SORCS2: variants seen among roughly 807,000 people sequenced by gnomAD.
SORCS2 encodes the protein sortilin related VPS10 domain containing receptor 2.
Under a neutral mutation model 141.6 loss-of-function variants are expected in SORCS2, and 100 were observed. The ratio of observed to expected loss-of-function variants is 0.71; its 90% CI spans 0.60 to 0.83. The LOEUF (loss-of-function observed/expected upper bound fraction) is 0.83, where lower values mean the gene tolerates loss of function less well. Among genes scored for constraint, SORCS2 ranks in the 40% least tolerant of loss-of-function variants. The pLI is 0.00. For synonymous variants in SORCS2, 789 were observed against 676.9 expected, an observed-to-expected ratio of 1.17 and a Z score of -2.57; for missense variants, 1,646 against 1,560.2, an observed-to-expected ratio of 1.05 and a Z score of -0.93.
At chr4:7,588,719 C>T (rs1716706271) in intron 3 of SORCS2, among the ~76,000 whole-genome samples, 1 of 152,162 alleles carries the variant, frequency 6.6e-6, no homozygotes, top group Non-Finnish European at 1.5e-5. Flanking sequence ...AGCTGGGCTT[C>T]CTGTCCTGGA....
At chr4:7,587,494 G>C (rs1312010052) in intron 3 of SORCS2, among the ~76,000 whole-genome samples, 2 of 152,238 alleles carry the variant, frequency 1.3e-5, no homozygotes, top group Non-Finnish European at 2.9e-5. Context: ...ACTGTCATCA[G>C]GGTTGGAGAT....
chr4:7,354,948 T>C (rs1040181106), intron 1 of SORCS2, among the ~76,000 whole-genome samples: 2 of 152,216 alleles, frequency 1.3e-5, no homozygotes, highest in South Asian at 2.1e-4. Context: ...CTTTTATCAA[T>C]ATTTTATTTA....
chr4:7,598,829 T>C (rs1246180030), intron 3 of SORCS2, among the ~76,000 whole-genome samples: 1 of 152,206 alleles, frequency 6.6e-6, no homozygotes, highest in Non-Finnish European at 1.5e-5. Flanking sequence ...ACAGGGGCTG[T>C]GTTCTCCCCC....
At chr4:7,652,791 C>A (rs548780265) in intron 4 of SORCS2, among the ~76,000 whole-genome samples, 1 of 151,960 alleles carries the variant, frequency 6.6e-6, no homozygotes, top group African/African-American at 2.4e-5. Context: ...GACCACGGAC[C>A]CCCTGAGCGC....
At chr4:7,351,160 C>T (rs1720918558) in intron 1 of SORCS2, among the ~76,000 whole-genome samples, 2 of 152,184 alleles carry the variant, frequency 1.3e-5, no homozygotes, top group African/African-American at 4.8e-5. Context: ...TGGTGGAAGC[C>T]CCTGGCCCTC....
chr4:7,722,720 C>T (rs1458772384), intron 18 of SORCS2, among the ~76,000 whole-genome samples: 1 of 152,234 alleles, frequency 6.6e-6, no homozygotes, highest in Admixed American at 6.5e-5. Flanking sequence ...AGGTCACATT[C>T]TGAGGTTCCC....
At chr4:7,588,032 G>C (rs994156775) in intron 3 of SORCS2, among the ~76,000 whole-genome samples, 1 of 152,200 alleles carries the variant, frequency 6.6e-6, no homozygotes, top group Admixed American at 6.5e-5. Context: ...TTTTTTGTCT[G>C]TTTGACAGCC....
chr4:7,388,892 T>TTGTTGTGGTGTTGTGG (rs113629807), intron 1 of SORCS2, among the ~76,000 whole-genome samples: 1 of 151,376 alleles, frequency 6.6e-6, no homozygotes, highest in African/African-American at 2.4e-5. Flanking sequence ...TGGTCTCTGG[T>TTGTTGTGGTGTTGTGG]TGTTGTGGTG....
At chr4:7,612,786 G>A (rs552415157) in intron 3 of SORCS2, among the ~76,000 whole-genome samples, 7 of 152,332 alleles carry the variant, frequency 4.6e-5, no homozygotes, top group African/African-American at 1.4e-4. Context: ...CAGGAGCTTC[G>A]CGGACGTGGG....
intron 5 of SORCS2, among the ~76,000 whole-genome samples, chr4:7,661,231 G>T (rs6838780): frequency 0.021 from 2,569 of 124,442 alleles, 120 homozygotes; most frequent in South Asian, 0.049. Flanking sequence ...CTCAGCTCAC[G>T]TAAGGAAGAT....
rs542609214 is a variant in SORCS2, at chr4:7,358,253, C to CG, written c.481-38031dup. Among the ~76,000 whole-genome samples, 17 of 152,310 alleles carry CG rather than the reference C, an allele frequency of 1.1e-4. No homozygotes were observed. The South Asian group carries it at 3.5e-3, about 32-fold the overall frequency. On this transcript the variant is annotated intron_variant, in intron 1 of 26. Coordinates refer to ENST00000507866, the MANE Select transcript of SORCS2 (RefSeq NM_020777.3). ...AAGAGGGGCCGTTGATGGCCATTTGCGGGGCACCTGCTGCATGCCAGGCAC... is the reference window on the plus strand; with the variant it reads ...AAGAGGGGCCGTTGATGGCCATTTGCGGGGGCACCTGCTGCATGCCAGGCAC...
At chr4:7,633,785 C>CACTTTGGGAGGCCAAGGCGGTTGGAT (rs146399499) in intron 3 of SORCS2, among the ~76,000 whole-genome samples, 14 of 124,614 alleles carry the variant, frequency 1.1e-4, no homozygotes, top group Non-Finnish European at 1.9e-4. Context: ...TGCATGCGCT[C>CACTTTGGGAGGCCAAGGCGGTTGGAT]CTTCATGTGT....
intron 4 of SORCS2, among the ~76,000 whole-genome samples, chr4:7,647,170 C>A (rs1033868005): frequency 6.6e-6 from 1 of 152,096 alleles, no homozygotes; most frequent in African/African-American, 2.4e-5. Context: ...AAATGACCCC[C>A]ATTCCAGATG....
chr4:7,352,894 T>C (rs149380171), intron 1 of SORCS2, among the ~76,000 whole-genome samples: 2 of 151,186 alleles, frequency 1.3e-5, no homozygotes, highest in Admixed American at 6.6e-5. Context: ...CTGAATCTTA[T>C]AACCACGGTT....
intron 3 of SORCS2, among the ~76,000 whole-genome samples, chr4:7,582,531 G>A (rs1046244131): frequency 1.3e-5 from 2 of 152,252 alleles, no homozygotes; most frequent in Admixed American, 6.5e-5. Context: ...GGAACCTGGC[G>A]CTAAGCCATT....
intron 2 of SORCS2, among the ~76,000 whole-genome samples, chr4:7,463,052 G>T (rs976889117): frequency 2.6e-5 from 4 of 151,758 alleles, no homozygotes; most frequent in East Asian, 1.9e-4. Flanking sequence ...CCCCACAAAG[G>T]CCCCTCCAGT....
At chr4:7,400,445 C>G (rs1476300758) in intron 2 of SORCS2, among the ~76,000 whole-genome samples, 2 of 149,784 alleles carry the variant, frequency 1.3e-5, no homozygotes, top group Admixed American at 1.3e-4. Context: ...TGTGGGAGTT[C>G]CTGTTTATGG....
At chr4:7,726,667 G>A in intron 20 of SORCS2, 113 bp from the exon 21 acceptor site, 5 of 1,401,366 alleles carry the variant, frequency 3.6e-6, no homozygotes, top group Non-Finnish European at 3.8e-6. Flanking sequence ...CCCATTTGCT[G>A]ATGGGAACAA....
At chr4:7,203,707 G>A (rs1233864785) in intron 1 of SORCS2, among the ~76,000 whole-genome samples, 1 of 152,136 alleles carries the variant, frequency 6.6e-6, no homozygotes, top group African/African-American at 2.4e-5. Flanking sequence ...TCAGTGTATG[G>A]TTCTGGGGGC....
Sources: allele counts gnomAD v4.1 joint callset (sites outside exome capture counted in the v4.1 genomes callset), GRCh38; gene constraint gnomAD v4.1.1; transcripts MANE v1.5; gene names NCBI Gene and HGNC (gene_info 2026-07-23, HGNC 2026-07-21).